TAF1B: variants seen among roughly 807,000 people sequenced by gnomAD.
TAF1B encodes the protein TATA box-binding protein-associated factor RNA polymerase I subunit B.
Under a neutral mutation model 83.9 loss-of-function variants are expected in TAF1B, and 61 were observed. That is an observed-to-expected ratio of 0.73 (90% CI 0.59 to 0.90). The LOEUF is 0.90. Ranked by LOEUF, TAF1B falls within the 40% of genes least tolerant of loss-of-function variation. The probability of loss-of-function intolerance (pLI) is 0.00; values close to 1 mark genes in which losing one functional copy is unlikely to be tolerated. For missense variants in TAF1B, 625 were observed against 677.0 expected, an observed-to-expected ratio of 0.92 and a Z score of 0.85; for synonymous variants, 221 against 224.6, an observed-to-expected ratio of 0.98 and a Z score of 0.14.
chr2:9,861,781 G>A (rs543552790), intron 5 of TAF1B, among the ~76,000 whole-genome samples: 6 of 152,294 alleles, frequency 3.9e-5, no homozygotes, highest in East Asian at 1.9e-4. Context: ...CAGCATTTGC[G>A]GTTCACCAAT....
At chr2:9,897,235 T>G (rs922856604) in intron 8 of TAF1B, among the ~76,000 whole-genome samples, 7 of 152,230 alleles carry the variant, frequency 4.6e-5, no homozygotes, top group Non-Finnish European at 1.0e-4. Flanking sequence ...CTTGTCTGTA[T>G]TAGATACAAT....
chr2:9,919,153 G>A (rs1409356167), intron 13 of TAF1B, 42 bp downstream of exon 13: 2 of 1,514,762 alleles, frequency 1.3e-6, no homozygotes, highest in African/African-American at 2.8e-5. Context: ...TAGCAACACA[G>A]TTGTAGAAAA....
chr2:9,911,170 G>A (rs930278790), intron 10 of TAF1B, among the ~76,000 whole-genome samples: 1 of 152,078 alleles, frequency 6.6e-6, no homozygotes, highest in Non-Finnish European at 1.5e-5. Flanking sequence ...TTTTATACCT[G>A]TTATTCTTTA....
chr2:9,865,195 T>C (rs288001), intron 5 of TAF1B, among the ~76,000 whole-genome samples: 141,957 of 152,126 alleles, frequency 0.93, 66,941 homozygotes, highest in East Asian at 1. Flanking sequence ...AGAACCCCAT[T>C]GTCTCAGCCC....
At chr2:9,854,484 T>C in intron 5 of TAF1B, 63 bp downstream of exon 5, 2 of 1,225,340 alleles carry the variant, frequency 1.6e-6, no homozygotes, top group Non-Finnish European at 2.4e-6. Context: ...GAGATGAAGA[T>C]GGGTTCATGA....
rs192784547 is a variant in TAF1B, at chr2:9,874,489, C to T, written c.554-1376C>T. ...GTCTCTCCGTGTTGCCCAGGCTAGT[C>T]TCGCATTCTTGGGCTCAAGTGATCC... On this transcript the variant is annotated intron_variant, in intron 6 of 14. Coordinates refer to ENST00000263663, the MANE Select transcript of TAF1B (RefSeq NM_005680.3). Among the ~76,000 whole-genome samples the T allele has an allele frequency of 1.6e-3, 243 of 151,860 alleles. 1 individual carries two copies. Among genetic ancestry groups the T allele is most frequent in the Non-Finnish European group, 2.8e-3 (193 of 67,968 alleles).
intron 6 of TAF1B, among the ~76,000 whole-genome samples, chr2:9,875,581 G>A (rs771021255): frequency 2.0e-5 from 3 of 152,136 alleles, no homozygotes; most frequent in African/African-American, 2.4e-5. Context: ...CAAGATGAGC[G>A]TGTGCAGGGG....
intron 4 of TAF1B, among the ~76,000 whole-genome samples, chr2:9,852,323 TA>T (rs1047883289): frequency 6.6e-6 from 1 of 152,188 alleles, no homozygotes; most frequent in African/African-American, 2.4e-5. Context: ...CTTCATCTAG[TA>T]AAAGTCATTT....
chr2:9,863,709 T>G (rs955796074), intron 5 of TAF1B, among the ~76,000 whole-genome samples: 1 of 152,166 alleles, frequency 6.6e-6, no homozygotes, highest in Non-Finnish European at 1.5e-5. Context: ...AAAGCACTCC[T>G]TAGCAAATGT....
chr2:9,918,182 A>ATT (rs1246114117), intron 12 of TAF1B, among the ~76,000 whole-genome samples: 1 of 152,208 alleles, frequency 6.6e-6, no homozygotes, highest in Non-Finnish European at 1.5e-5. Context: ...AAGAAGGTGG[A>ATT]TTTTTAAAAT....
chr2:9,868,766 AT>A (rs1003191057), intron 6 of TAF1B: 8 of 487,530 alleles, frequency 1.6e-5, no homozygotes, highest in African/African-American at 1.4e-4. Flanking sequence ...GAAAAATGTT[AT>A]TATGTAGCCA....
rs766923767 is a variant in TAF1B, at chr2:9,919,029, T to C, written c.1272-12T>C. 4 of 1,612,450 alleles carry C rather than the reference T, an allele frequency of 2.5e-6. 1 individual carries two copies. In the South Asian group the frequency reaches 4.4e-5, roughly 18 times the overall value. The stretch of plus-strand genomic sequence containing the variant: ...CTCCGTCCTGCTCCAGCTGTTTCTT[T>C]ACCTTGTACAGGTACCTGTGGAAAA... On this transcript the variant is annotated splice_polypyrimidine_tract_variant and intron_variant, in intron 12 of 14. Coordinates refer to ENST00000263663, the MANE Select transcript of TAF1B (RefSeq NM_005680.3).
chr2:9,868,501 TC>T (rs1235762884), intron 6 of TAF1B, 72 bp downstream of exon 6: 2 of 1,554,214 alleles, frequency 1.3e-6, no homozygotes, highest in African/African-American at 2.8e-5. Context: ...AGTCTAATCT[TC>T]TGATAATCCA....
chr2:9,919,132 T>A, intron 13 of TAF1B, 21 bp downstream of exon 13: 1 of 1,597,848 alleles, frequency 6.3e-7, no homozygotes, highest in Non-Finnish European at 8.6e-7. Flanking sequence ...TTTTGTCTTT[T>A]TAATACCAAG....
chr2:9,863,873 G>C (rs1296838680), intron 5 of TAF1B, among the ~76,000 whole-genome samples: 1 of 152,132 alleles, frequency 6.6e-6, no homozygotes, highest in Non-Finnish European at 1.5e-5. Context: ...AATGAAGGCA[G>C]AAATAAAGAT....
chr2:9,896,409 C>A (rs546295868), intron 8 of TAF1B, among the ~76,000 whole-genome samples: 6 of 152,088 alleles, frequency 3.9e-5, no homozygotes, highest in Admixed American at 2.0e-4. Context: ...TTTCTTCCCC[C>A]CTTCCATGCC....
Position 9,934,085 on chromosome 2 carries a change from T to C in TAF1B, c.*101T>C, listed in dbSNP as rs1030034681. 11 of 940,386 alleles carry C rather than the reference T, an allele frequency of 1.2e-5. No homozygotes were observed. The highest frequency in any genetic ancestry group is 1.7e-5 in the Non-Finnish European group (11 of 635,644). The allele number at this position is 940,386 out of a possible 1,614,324, so 58.3% of individuals were successfully genotyped here. A position where few individuals can be genotyped will look rare whatever the true frequency, so the allele number is the denominator to read the frequency against. ...AGAATTGTGGAAAATACTGCATATA[T>C]ATGTATAGACTCTGACACATATTTA... On this transcript the variant is annotated 3_prime_UTR_variant, in exon 15 of 15. Coordinates refer to ENST00000263663, the MANE Select transcript of TAF1B (RefSeq NM_005680.3).
chr2:9,857,598 T>G (rs1191141264), intron 5 of TAF1B, among the ~76,000 whole-genome samples: 1 of 152,152 alleles, frequency 6.6e-6, no homozygotes, highest in Non-Finnish European at 1.5e-5. Flanking sequence ...AAATACTACC[T>G]GAGACAGGGC....
At chr2:9,851,884 A>G (rs189347683) in intron 4 of TAF1B, 1 of 623,008 alleles carries the variant, frequency 1.6e-6, no homozygotes, top group Admixed American at 2.1e-5. Context: ...CTTAGGAAAC[A>G]ACAGGTTAAA....
Sources: gnomAD v4.1 joint callset for allele counts (sites outside exome capture counted in the v4.1 genomes callset) on GRCh38, gnomAD v4.1.1 for gene constraint, MANE v1.5 for transcripts, NCBI Gene and HGNC (gene_info 2026-07-23, HGNC 2026-07-21) for gene names.